Variants in ITGBL1 observed in about 807,000 individuals in gnomAD.
ITGBL1 encodes integrin beta-like protein 1.
Under a neutral mutation model 68.5 loss-of-function variants are expected in ITGBL1, and 51 were observed. The ratio of observed to expected loss-of-function variants is 0.74; its 90% CI spans 0.59 to 0.94. ITGBL1 has a LOEUF of 0.94. Ranked by LOEUF, ITGBL1 falls within the 40% of genes least tolerant of loss-of-function variation. The pLI, the probability that ITGBL1 is intolerant of heterozygous loss-of-function variation, is 0.00. For synonymous variants in ITGBL1, 209 were observed against 227.3 expected (o/e 0.92, Z 0.72); for missense variants, 649 against 647.4 (o/e 1.00, Z -0.03).
chr13:101,701,254 G>T (rs991710626), intron 8 of ITGBL1, among the ~76,000 whole-genome samples: 2 of 152,104 alleles, frequency 1.3e-5, no homozygotes, highest in South Asian at 4.1e-4. Context: ...AAAAATCATC[G>T]CCAGGCACAG....
At chr13:101,655,397 T>C (rs1415795463) in intron 7 of ITGBL1, among the ~76,000 whole-genome samples, 1 of 26,806 alleles carries the variant, frequency 3.7e-5, no homozygotes, top group Non-Finnish European at 1.3e-4. Flanking sequence ...TTTAGTCAAA[T>C]TTATGCATTA....
intron 2 of ITGBL1, among the ~76,000 whole-genome samples, chr13:101,548,758 A>G (rs2049870526): frequency 6.7e-6 from 1 of 149,088 alleles, no homozygotes; most frequent in Non-Finnish European, 1.5e-5. Context: ...ATTAGAATTA[A>G]TAAGAGAATA....
At chr13:101,698,959 T>G (rs555671974) in intron 8 of ITGBL1, among the ~76,000 whole-genome samples, 1 of 152,326 alleles carries the variant, frequency 6.6e-6, no homozygotes, top group Admixed American at 6.5e-5. Flanking sequence ...GAGCCACCTC[T>G]TAATTACACA....
chr13:101,495,664 A>G (rs1036312845), intron 2 of ITGBL1, among the ~76,000 whole-genome samples: 4 of 151,980 alleles, frequency 2.6e-5, no homozygotes, highest in South Asian at 4.1e-4. Flanking sequence ...CAATCAGTCT[A>G]TATGAAGGGC....
intron 2 of ITGBL1, among the ~76,000 whole-genome samples, chr13:101,534,781 C>T (rs896747317): frequency 6.6e-6 from 1 of 152,126 alleles, no homozygotes; most frequent in Admixed American, 6.6e-5. Context: ...GTGTTGAGTG[C>T]TCAGAGAAAT....
chr13:101,634,818 G>A (rs2032111495), intron 7 of ITGBL1, among the ~76,000 whole-genome samples: 1 of 151,950 alleles, frequency 6.6e-6, no homozygotes, highest in Non-Finnish European at 1.5e-5. Context: ...CTATTTGCAA[G>A]GGGCAGGGAT....
chr13:101,556,527 C>T (rs762208953), intron 2 of ITGBL1, among the ~76,000 whole-genome samples: 2 of 151,928 alleles, frequency 1.3e-5, no homozygotes, highest in Non-Finnish European at 2.9e-5. Context: ...CCCAGCTACT[C>T]GGGAGGCTGA....
intron 7 of ITGBL1, among the ~76,000 whole-genome samples, chr13:101,604,864 A>G (rs1174844855): frequency 2.0e-4 from 5 of 25,174 alleles, no homozygotes; most frequent in Admixed American, 6.1e-4. Flanking sequence ...ATATATATAT[A>G]TATATATATA....
In ITGBL1 at chr13:101,587,559, C is replaced by T. The variant is rs562885574; in HGVS notation, c.868+4203C>T. ...CTTTATTCCTAATGGCCGCTTACCA[C>T]TCAGGTCTATTTACCCAAATCCCAT... On this transcript the variant is annotated intron_variant, in intron 6 of 10. Transcript: ENST00000376180. Among the ~76,000 whole-genome samples the T allele has an allele frequency of 2.0e-5, 3 of 152,312 alleles. No individual in the cohort carries two copies. The East Asian group carries it at 5.8e-4, about 29-fold the overall frequency.
At chr13:101,536,119 T>C (rs539515330) in intron 2 of ITGBL1, among the ~76,000 whole-genome samples, 2 of 151,960 alleles carry the variant, frequency 1.3e-5, no homozygotes, top group Non-Finnish European at 2.9e-5. Flanking sequence ...TAGTTACATA[T>C]GTATACATGA....
chr13:101,492,897 C>T (rs2048801410), intron 2 of ITGBL1, among the ~76,000 whole-genome samples: 1 of 152,232 alleles, frequency 6.6e-6, no homozygotes, highest in African/African-American at 2.4e-5. Flanking sequence ...AACTTCCTCA[C>T]TCCCTTTCCT....
At chr13:101,710,541 C>T (rs953451868) in intron 9 of ITGBL1, among the ~76,000 whole-genome samples, 3 of 152,072 alleles carry the variant, frequency 2.0e-5, no homozygotes, top group African/African-American at 7.2e-5. Flanking sequence ...AACCTGTTTC[C>T]GATTTTTTGA....
intron 7 of ITGBL1, among the ~76,000 whole-genome samples, chr13:101,658,731 A>T (rs2032999829): frequency 6.6e-6 from 1 of 152,186 alleles, no homozygotes; most frequent in South Asian, 2.1e-4. Context: ...TGAATGAAAG[A>T]TGCAAATGAG....
At chr13:101,536,706 A>C (rs969364870) in intron 2 of ITGBL1, among the ~76,000 whole-genome samples, 1 of 151,924 alleles carries the variant, frequency 6.6e-6, no homozygotes, top group Non-Finnish European at 1.5e-5. Context: ...CTGCCTCATA[A>C]AGACTTCTGA....
chr13:101,533,935 G>T (rs2049526126), intron 2 of ITGBL1, among the ~76,000 whole-genome samples: 1 of 152,122 alleles, frequency 6.6e-6, no homozygotes, highest in Admixed American at 6.6e-5. Context: ...TGGTCCAATT[G>T]TTCAAATCTT....
At chr13:101,472,306 G>A (rs12429171) in intron 2 of ITGBL1, among the ~76,000 whole-genome samples, 8,410 of 152,228 alleles carry the variant, frequency 0.055, 439 homozygotes, top group East Asian at 0.28. Context: ...GCACAGCAAA[G>A]ATAACAACCA....
rs1473677038 is a variant in ITGBL1, at chr13:101,557,407, C to T, written c.317-10292C>T. Reference sequence around the variant, plus strand: ...TATATGCACATATAAATGTGCATGTCGTTCTTCATTTAACCAGATTCCTTG... The same window carrying T: ...TATATGCACATATAAATGTGCATGTTGTTCTTCATTTAACCAGATTCCTTG... On this transcript the variant is annotated intron_variant, in intron 2 of 10. Coordinates refer to ENST00000376180, the MANE Select transcript of ITGBL1 (RefSeq NM_004791.3). 4.6e-5 allele frequency among the ~76,000 whole-genome samples: 7 copies of T among 152,104 alleles called. No individual in the cohort carries two copies. In the East Asian group the frequency reaches 5.8e-4, roughly 13 times the overall value.
intron 2 of ITGBL1, among the ~76,000 whole-genome samples, chr13:101,537,145 G>A (rs1399396336): frequency 6.6e-6 from 1 of 151,966 alleles, no homozygotes; most frequent in Non-Finnish European, 1.5e-5. Context: ...AGTCTCCTGA[G>A]ACATGTGAAA....
intron 9 of ITGBL1, chr13:101,712,106 A>AG (rs911244707): frequency 5.3e-5 from 8 of 152,324 alleles, no homozygotes; most frequent in Admixed American, 2.0e-4. Context: ...GTGCTATAAT[A>AG]GGTCCTAATA....
Sources: allele counts gnomAD v4.1 joint callset (sites outside exome capture counted in the v4.1 genomes callset), GRCh38; gene constraint gnomAD v4.1.1; transcripts MANE v1.5; gene names NCBI Gene and HGNC (gene_info 2026-07-23, HGNC 2026-07-21).